The following CTNND2 variants were observed in gnomAD, a reference collection of about 807,000 sequenced individuals.
CTNND2 encodes catenin delta 2, also known as catenin delta-2.
In CTNND2, 22 loss-of-function variants were observed where a neutral mutation model predicts 144.4. The ratio of observed to expected loss-of-function variants is 0.15; its 90% CI spans 0.11 to 0.22. CTNND2 has a LOEUF of 0.22. Ranked by LOEUF, CTNND2 falls within the 10% of genes least tolerant of loss-of-function variation. CTNND2 has a pLI of 1.00. For missense variants in CTNND2, 1,353 were observed against 1,618.8 expected (o/e 0.84, Z 2.82); for synonymous variants, 751 against 695.6 (o/e 1.08, Z -1.25).
At position 11,591,611 on chromosome 5, in the gene CTNND2, C is replaced by T. The variant is rs187959588; in HGVS notation, c.175-26555G>A. On this transcript the variant is annotated intron_variant, in intron 2 of 21. Coordinates refer to ENST00000304623, the MANE Select transcript of CTNND2 (RefSeq NM_001332.4). ...GTTACTCCTTTCATGCCTCCTGTGT[C>T]CTATGATTTCTTCTTTGATTTCATT... 3.9e-4 allele frequency among the ~76,000 whole-genome samples: 60 copies of T among 151,922 alleles called. No homozygotes were observed. In the East Asian group the frequency reaches 8.9e-3, roughly 23 times the overall value.
At chr5:11,177,521 A>G (rs1184602864) in intron 11 of CTNND2, among the ~76,000 whole-genome samples, 1 of 152,048 alleles carries the variant, frequency 6.6e-6, no homozygotes, top group African/African-American at 2.4e-5. Context: ...TAATATAGAA[A>G]AATTAATCAA....
At position 11,082,883 on chromosome 5, in the gene CTNND2, G is replaced by C. The variant is rs534040349; in HGVS notation, c.2638-37C>G. 1.9e-6 allele frequency: 3 copies of C among 1,605,428 alleles called. No homozygotes were observed. The East Asian group carries it at 6.7e-5, about 36-fold the overall frequency. Reference sequence around the variant, plus strand: ...GGGAAGGCGAAGGGCGTTAGAAACAGGAAGAAACCCTGCATGCAAATAGTA... The same window carrying C: ...GGGAAGGCGAAGGGCGTTAGAAACACGAAGAAACCCTGCATGCAAATAGTA... On this transcript the variant is annotated intron_variant, in intron 15 of 21. Transcript: ENST00000304623.
At chr5:11,103,223 C>A (rs1024717375) in intron 14 of CTNND2, among the ~76,000 whole-genome samples, 1 of 151,646 alleles carries the variant, frequency 6.6e-6, no homozygotes, top group African/African-American at 2.4e-5. Flanking sequence ...CTCAAGTGAT[C>A]CACCCACCTC....
intron 16 of CTNND2, among the ~76,000 whole-genome samples, chr5:11,036,193 G>T (rs979888878): frequency 2.6e-5 from 4 of 151,896 alleles, no homozygotes; most frequent in African/African-American, 9.7e-5. Flanking sequence ...TTGTGGAAAT[G>T]CTAGAGTTCA....
At chr5:11,870,898 G>A (rs538288918) in intron 1 of CTNND2, among the ~76,000 whole-genome samples, 1 of 152,242 alleles carries the variant, frequency 6.6e-6, no homozygotes, top group Non-Finnish European at 1.5e-5. Context: ...GAGACACAGG[G>A]GTAAGGTTTC....
intron 1 of CTNND2, among the ~76,000 whole-genome samples, chr5:11,884,598 T>C (rs972805683): frequency 2.0e-5 from 3 of 152,176 alleles, no homozygotes; most frequent in Admixed American, 6.5e-5. Context: ...GATCATGTCA[T>C]CTGCCAACAG....
At chr5:11,730,251 C>T (rs930437493) in intron 2 of CTNND2, among the ~76,000 whole-genome samples, 6 of 152,140 alleles carry the variant, frequency 3.9e-5, no homozygotes, top group African/African-American at 1.4e-4. Flanking sequence ...AAAGCTCCTT[C>T]CCCAGAGTTT....
At chr5:11,095,776 C>T (rs1353145800) in intron 15 of CTNND2, among the ~76,000 whole-genome samples, 1 of 151,980 alleles carries the variant, frequency 6.6e-6, no homozygotes, top group South Asian at 2.1e-4. Flanking sequence ...TTTATCTGTC[C>T]GCTTTTAGGA....
chr5:11,548,874 T>G (rs1775502283), intron 3 of CTNND2, among the ~76,000 whole-genome samples: 1 of 152,222 alleles, frequency 6.6e-6, no homozygotes, highest in South Asian at 2.1e-4. Flanking sequence ...GACTCCAAGA[T>G]CTGCACATAA....
intron 7 of CTNND2, among the ~76,000 whole-genome samples, chr5:11,368,685 A>C (rs1757193962): frequency 6.6e-6 from 1 of 152,158 alleles, no homozygotes; most frequent in South Asian, 2.1e-4. Flanking sequence ...ATGGTATCTA[A>C]AGTAGTAATT....
At chr5:11,716,616 A>G (rs1675276134) in intron 2 of CTNND2, among the ~76,000 whole-genome samples, 1 of 152,166 alleles carries the variant, frequency 6.6e-6, no homozygotes. Flanking sequence ...CATTTAACCT[A>G]AAATTGAATC....
chr5:11,620,614 T>G (rs1780784143), intron 2 of CTNND2, among the ~76,000 whole-genome samples: 1 of 152,192 alleles, frequency 6.6e-6, no homozygotes, highest in African/African-American at 2.4e-5. Context: ...TTGGGAACTA[T>G]GAGTAAAGAA....
chr5:11,505,315 G>C (rs1770921166), intron 3 of CTNND2, among the ~76,000 whole-genome samples: 1 of 152,150 alleles, frequency 6.6e-6, no homozygotes, highest in Non-Finnish European at 1.5e-5. Context: ...ATCATGGGTG[G>C]AGTTTGCCTA....
At chr5:11,309,556 G>C (rs1750588630) in intron 9 of CTNND2, among the ~76,000 whole-genome samples, 1 of 152,122 alleles carries the variant, frequency 6.6e-6, no homozygotes, top group Non-Finnish European at 1.5e-5. Context: ...AACTAACTTG[G>C]TTCTGATTTT....
intron 9 of CTNND2, among the ~76,000 whole-genome samples, chr5:11,240,301 AACACACATACACCCAAC>A (rs1195091812): frequency 1.5e-4 from 14 of 93,246 alleles, no homozygotes; most frequent in African/African-American, 2.9e-4. Flanking sequence ...ACACACACCC[AACACACATACACCCAAC>A]ACACACACAC....
chr5:11,374,146 GAGAC>G (rs1757700665), intron 7 of CTNND2, among the ~76,000 whole-genome samples: 1 of 152,126 alleles, frequency 6.6e-6, no homozygotes, highest in Non-Finnish European at 1.5e-5. Context: ...CTTCAAGTGA[GAGAC>G]AGTCCTGACT....
At chr5:11,864,870 G>C (rs1178263414) in intron 1 of CTNND2, among the ~76,000 whole-genome samples, 1 of 133,934 alleles carries the variant, frequency 7.5e-6, no homozygotes, top group Non-Finnish European at 1.6e-5. Context: ...GATCTCAACT[G>C]TTCTTCTTCT....
intron 3 of CTNND2, among the ~76,000 whole-genome samples, chr5:11,531,732 G>C (rs1773763882): frequency 6.6e-6 from 1 of 152,068 alleles, no homozygotes; most frequent in Non-Finnish European, 1.5e-5. Flanking sequence ...AAAGAATAAA[G>C]GATGAAATAA....
chr5:11,421,288 T>C (rs1762341264), intron 3 of CTNND2, among the ~76,000 whole-genome samples: 2 of 152,164 alleles, frequency 1.3e-5, no homozygotes, highest in Non-Finnish European at 2.9e-5. Context: ...TTCTTCCCCT[T>C]GCTTTTCATG....
Sources: gnomAD v4.1 joint callset for allele counts (sites outside exome capture counted in the v4.1 genomes callset) on GRCh38, gnomAD v4.1.1 for gene constraint, MANE v1.5 for transcripts, NCBI Gene and HGNC (gene_info 2026-07-23, HGNC 2026-07-21) for gene names.